Variants in RSPO2 observed in about 807,000 individuals in gnomAD.
RSPO2 encodes R-spondin 2, also known as R-spondin-2.
In RSPO2, 14 loss-of-function variants were observed where a neutral mutation model predicts 30.9. The observed-to-expected ratio is 0.45, with a 90% confidence interval of 0.30 to 0.71. The LOEUF is 0.71. Ranked by LOEUF, RSPO2 falls within the 30% of genes least tolerant of loss-of-function variation. RSPO2 has a pLI of 0.08. For missense variants in RSPO2, 264 were observed against 301.9 expected (o/e 0.87, Z 0.93); for synonymous variants, 107 against 96.4 (o/e 1.11, Z -0.64).
intron 2 of RSPO2, among the ~76,000 whole-genome samples, chr8:108,017,768 C>T (rs908877072): frequency 7.2e-5 from 11 of 152,082 alleles, no homozygotes; most frequent in East Asian, 5.8e-4. Flanking sequence ...TAGTAATGAA[C>T]GATTTGTCAA....
intron 5 of RSPO2, among the ~76,000 whole-genome samples, chr8:107,921,975 C>A (rs929930266): frequency 1.3e-5 from 2 of 152,118 alleles, no homozygotes; most frequent in African/African-American, 4.8e-5. Context: ...CCATCTATGA[C>A]AAATCCACAG....
At chr8:108,033,577 T>A (rs1811498355) in intron 2 of RSPO2, among the ~76,000 whole-genome samples, 1 of 152,226 alleles carries the variant, frequency 6.6e-6, no homozygotes, top group African/African-American at 2.4e-5. Flanking sequence ...AGGTGCCATA[T>A]GGGCATCAAT....
At chr8:107,917,212 A>G (rs747603279) in intron 5 of RSPO2, among the ~76,000 whole-genome samples, 1 of 152,088 alleles carries the variant, frequency 6.6e-6, no homozygotes, top group Non-Finnish European at 1.5e-5. Flanking sequence ...GAGGCCAGGC[A>G]GGTGGCTCAT....
At chr8:108,005,719 AAGG>A (rs1431458979) in intron 2 of RSPO2, among the ~76,000 whole-genome samples, 1 of 152,096 alleles carries the variant, frequency 6.6e-6, no homozygotes, top group Non-Finnish European at 1.5e-5. Flanking sequence ...TGGGGTAGAG[AAGG>A]AGGAGATGCA....
intron 3 of RSPO2, among the ~76,000 whole-genome samples, chr8:107,972,648 G>C (rs573664711): frequency 6.6e-6 from 1 of 152,096 alleles, no homozygotes; most frequent in East Asian, 1.9e-4. Flanking sequence ...GGGAGGGAGA[G>C]ACTGAACATT....
At chr8:107,903,497 A>C (rs1319906928) in intron 5 of RSPO2, among the ~76,000 whole-genome samples, 3 of 152,136 alleles carry the variant, frequency 2.0e-5, no homozygotes, top group Non-Finnish European at 4.4e-5. Context: ...AGTAATTGTC[A>C]ATATTAAATG....
At chr8:108,064,958 G>A (rs928103779) in intron 2 of RSPO2, among the ~76,000 whole-genome samples, 1 of 152,012 alleles carries the variant, frequency 6.6e-6, no homozygotes, top group African/African-American at 2.4e-5. Context: ...ACTCATAGTT[G>A]GGAACTGAAC....
intron 2 of RSPO2, among the ~76,000 whole-genome samples, chr8:108,012,815 A>T (rs1025418195): frequency 6.6e-6 from 1 of 152,222 alleles, no homozygotes; most frequent in African/African-American, 2.4e-5. Flanking sequence ...CATAAATGAG[A>T]ATTAACAAAG....
At chr8:108,073,571 A>T (rs566881327) in intron 2 of RSPO2, among the ~76,000 whole-genome samples, 2 of 152,362 alleles carry the variant, frequency 1.3e-5, no homozygotes, top group South Asian at 4.1e-4. Context: ...CCAGCACCAC[A>T]TGTCACCAGC....
intron 2 of RSPO2, chr8:108,081,804 C>A: frequency 1.8e-6 from 1 of 559,570 alleles, no homozygotes; most frequent in African/African-American, 2.0e-5. Context: ...AAGCCTCCAC[C>A]GGTGTGGCTG....
intron 5 of RSPO2, among the ~76,000 whole-genome samples, chr8:107,938,492 T>G (rs1460344012): frequency 6.6e-6 from 1 of 152,098 alleles, no homozygotes; most frequent in African/African-American, 2.4e-5. Flanking sequence ...TGAAAATAAA[T>G]AAATACAATA....
chr8:107,951,469 T>C (rs926996746), intron 5 of RSPO2, among the ~76,000 whole-genome samples: 8 of 152,160 alleles, frequency 5.3e-5, no homozygotes, highest in Admixed American at 3.3e-4. Flanking sequence ...ACTGACACCA[T>C]GTGTGTCCTA....
Position 107,901,075 on chromosome 8 carries a change from T to C in RSPO2, c.732A>G (p.Ter244=). 1 of 1,610,326 alleles carries C rather than the reference T, an allele frequency of 6.2e-7. No homozygotes were observed. Among genetic ancestry groups the C allele is most frequent in the Non-Finnish European group, 8.5e-7 (1 of 1,179,184 alleles). Residue 244 remains the stop codon, a stop_retained_variant, in exon 6 of 6, where the codon TAA becomes TAG. Coordinates refer to ENST00000276659, the MANE Select transcript of RSPO2 (RefSeq NM_178565.5). ...CTAAAAATCTACCGGATCTCTTGTTTTATTGGTTAGCTCTGTCTGTAGCTA... is the reference window on the plus strand; with the variant it reads ...CTAAAAATCTACCGGATCTCTTGTTCTATTGGTTAGCTCTGTCTGTAGCTA... ...VFLATDRANQ[*]
At chr8:108,041,203 CAAAAAAAAA>C (rs55937336) in intron 2 of RSPO2, among the ~76,000 whole-genome samples, 1 of 100,386 alleles carries the variant, frequency 1.0e-5, no homozygotes, top group Admixed American at 1.1e-4. Flanking sequence ...CAAAAAGTGG[CAAAAAAAAA>C]AAAAAAAAAA....
intron 2 of RSPO2, among the ~76,000 whole-genome samples, chr8:108,030,085 A>C (rs1468568894): frequency 6.9e-6 from 1 of 145,298 alleles, no homozygotes; most frequent in East Asian, 2.1e-4. Flanking sequence ...GGTTGTAGAG[A>C]GAAGTTTTGA....
At position 107,901,049 on chromosome 8, in the gene RSPO2, C is replaced by T; in HGVS notation, c.*26G>A. 1 of 1,609,328 alleles carries T rather than the reference C, an allele frequency of 6.2e-7. No individual in the cohort carries two copies. The highest frequency in any genetic ancestry group is 8.5e-7 in the Non-Finnish European group (1 of 1,178,812). ...GTGCACATTTGCAAAAACAAAAACC[C>T]CTAAAAATCTACCGGATCTCTTGTT... On this transcript the variant is annotated 3_prime_UTR_variant, in exon 6 of 6. Coordinates refer to ENST00000276659, the MANE Select transcript of RSPO2 (RefSeq NM_178565.5).
intron 5 of RSPO2, among the ~76,000 whole-genome samples, chr8:107,943,489 A>T (rs1183743010): frequency 2.6e-5 from 4 of 152,186 alleles, no homozygotes; most frequent in African/African-American, 7.2e-5. Context: ...GCTACTACTG[A>T]TGTTATAGTT....
chr8:107,923,188 G>C (rs112013802), intron 5 of RSPO2, among the ~76,000 whole-genome samples: 28 of 152,196 alleles, frequency 1.8e-4, no homozygotes, highest in African/African-American at 6.5e-4. Context: ...ATCTGACAAA[G>C]GTCTAATATC....
In RSPO2 at chr8:108,040,688, G is replaced by A. The variant is rs117191132; in HGVS notation, c.94+41857C>T. ...ATGTGGTTTGAGGTGTAAAACTAATGGAGGAAGGGGGCTGACAAATACAGA... is the reference window on the plus strand; with the variant it reads ...ATGTGGTTTGAGGTGTAAAACTAATAGAGGAAGGGGGCTGACAAATACAGA... On this transcript the variant is annotated intron_variant, in intron 2 of 5. Coordinates refer to ENST00000276659, the MANE Select transcript of RSPO2 (RefSeq NM_178565.5). 2.1e-4 allele frequency among the ~76,000 whole-genome samples: 32 copies of A among 152,254 alleles called. No homozygotes were observed. In the East Asian group the frequency reaches 5.6e-3, roughly 27 times the overall value.
Sources: gnomAD v4.1 joint callset for allele counts (sites outside exome capture counted in the v4.1 genomes callset) on GRCh38, gnomAD v4.1.1 for gene constraint, MANE v1.5 for transcripts, NCBI Gene and HGNC (gene_info 2026-07-23, HGNC 2026-07-21) for gene names.